VAT1L: variants seen among roughly 807,000 people sequenced by gnomAD.
VAT1L encodes the protein vesicle amine transport 1 like.
In VAT1L, 34 loss-of-function variants were observed where a neutral mutation model predicts 44.1. That is an observed-to-expected ratio of 0.77 (90% CI 0.59 to 1.03). The LOEUF (loss-of-function observed/expected upper bound fraction) is 1.03, where lower values mean the gene tolerates loss of function less well. Ranked by LOEUF, VAT1L falls within the 50% of genes least tolerant of loss-of-function variation. The probability of loss-of-function intolerance (pLI) is 0.00; values close to 1 mark genes in which losing one functional copy is unlikely to be tolerated. For missense variants in VAT1L, 615 were observed against 538.8 expected, an observed-to-expected ratio of 1.14 and a Z score of -1.40; for synonymous variants, 253 against 202.2, an observed-to-expected ratio of 1.25 and a Z score of -2.13.
intron 3 of VAT1L, among the ~76,000 whole-genome samples, chr16:77,827,664 G>A (rs904186464): frequency 1.3e-5 from 2 of 152,190 alleles, no homozygotes; most frequent in Middle Eastern, 3.2e-3. Context: ...CTAATAGTGA[G>A]TGAAAATAGG....
Position 77,972,258 on chromosome 16 carries a change from T to C in VAT1L, c.1161+325T>C, listed in dbSNP as rs74673254. Among the ~76,000 whole-genome samples the C allele has an allele frequency of 5.1e-3, 783 of 152,304 alleles. 9 individuals are homozygous for C. The highest frequency in any genetic ancestry group is 0.018 in the African/African-American group (741 of 41,570). On this transcript the variant is annotated intron_variant, in intron 8 of 8. Coordinates refer to ENST00000302536, the MANE Select transcript of VAT1L (RefSeq NM_020927.3). Reference sequence around the variant, plus strand: ...GAAAATTTCAATAATTTCACATTCATGTTCCTAACAGAATGATGCCAGCTG... The same window carrying C: ...GAAAATTTCAATAATTTCACATTCACGTTCCTAACAGAATGATGCCAGCTG...
intron 3 of VAT1L, among the ~76,000 whole-genome samples, chr16:77,844,365 A>G (rs1421626918): frequency 6.6e-6 from 1 of 152,114 alleles, no homozygotes; most frequent in Non-Finnish European, 1.5e-5. Flanking sequence ...ATACAGGAAG[A>G]TGGGCATAGG....
chr16:77,901,911 C>T (rs968085086), intron 7 of VAT1L, among the ~76,000 whole-genome samples: 1 of 152,196 alleles, frequency 6.6e-6, no homozygotes, highest in Non-Finnish European at 1.5e-5. Context: ...GGATAATTTT[C>T]ACCTCATTTA....
chr16:77,932,297 G>A (rs2142503404), intron 7 of VAT1L, among the ~76,000 whole-genome samples: 1 of 151,916 alleles, frequency 6.6e-6, no homozygotes, highest in Non-Finnish European at 1.5e-5. Flanking sequence ...AGTAGAGACG[G>A]GGTTTCACCG....
intron 5 of VAT1L, among the ~76,000 whole-genome samples, 185 bp downstream of exon 5, chr16:77,876,658 G>A (rs1289798069): frequency 6.6e-6 from 1 of 152,152 alleles, no homozygotes; most frequent in Non-Finnish European, 1.5e-5. Context: ...AATAACATGT[G>A]CCTACTGTCC....
At chr16:77,941,693 G>C (rs7195975) in intron 7 of VAT1L, among the ~76,000 whole-genome samples, 82,346 of 151,918 alleles carry the variant, frequency 0.54, 22,504 homozygotes, top group East Asian at 0.62. Context: ...TTAAGCTATT[G>C]TCCTGCCTCA....
At position 77,856,118 on chromosome 16, in the gene VAT1L, G is replaced by A. The variant is rs144899900; in HGVS notation, c.580-6630G>A. ...ATTCAAAGGATATAAGGAATAAACC[G>A]GGAGAAAAGACAGGAAAGAGGATTC... On this transcript the variant is annotated intron_variant, in intron 3 of 8. Coordinates refer to ENST00000302536, the MANE Select transcript of VAT1L (RefSeq NM_020927.3). 9.3e-4 allele frequency among the ~76,000 whole-genome samples: 142 copies of A among 152,256 alleles called. 2 individuals are homozygous for A. The East Asian group carries it at 0.024, about 25-fold the overall frequency.
At chr16:77,950,002 T>G (rs1162353939) in intron 7 of VAT1L, among the ~76,000 whole-genome samples, 4 of 152,236 alleles carry the variant, frequency 2.6e-5, no homozygotes, top group Non-Finnish European at 5.9e-5. Flanking sequence ...GCCATGGCTC[T>G]GTAGCCTCGT....
intron 3 of VAT1L, among the ~76,000 whole-genome samples, chr16:77,842,502 G>A (rs930845160): frequency 3.3e-5 from 5 of 152,180 alleles, no homozygotes; most frequent in African/African-American, 4.8e-5. Context: ...ATTCCTGTGC[G>A]GAGTGGGGGA....
Position 77,884,907 on chromosome 16 carries a change from G to GT in VAT1L, c.1077+108dup. On this transcript the variant is annotated intron_variant, in intron 7 of 8. Transcript: ENST00000302536. The surrounding 1 kb of genome is among the most constrained non-coding windows in gnomAD (Gnocchi z 4.5). ...ACTAAATGATTTTTTTCCCAGATGGGTTTGTTTTAAATGAGGGTCCTAAAA... is the reference window on the plus strand; with the variant it reads ...ACTAAATGATTTTTTTCCCAGATGGGTTTTGTTTTAAATGAGGGTCCTAAAA... The GT allele has an allele frequency of 7.8e-7, 1 of 1,283,162 alleles. No homozygotes were observed. Among genetic ancestry groups the GT allele is most frequent in the Non-Finnish European group, 1.0e-6 (1 of 968,206 alleles). 79.5% of individuals were successfully genotyped at this position (1,283,162 alleles called of 1,614,324 possible). A position where few individuals can be genotyped will look rare whatever the true frequency, so the allele number is the denominator to read the frequency against.
intron 7 of VAT1L, among the ~76,000 whole-genome samples, chr16:77,889,738 A>G (rs1253995270): frequency 6.6e-6 from 1 of 152,244 alleles, no homozygotes; most frequent in East Asian, 1.9e-4. Context: ...GTATGCAATA[A>G]CAGAGTATTA....
At chr16:77,966,007 G>A (rs1315344212) in intron 7 of VAT1L, among the ~76,000 whole-genome samples, 1 of 152,122 alleles carries the variant, frequency 6.6e-6, no homozygotes, top group Admixed American at 6.5e-5. Context: ...TACTCTCAGT[G>A]TAAAATACAC....
intron 4 of VAT1L, among the ~76,000 whole-genome samples, chr16:77,876,021 C>T (rs112526286): frequency 4.6e-5 from 7 of 152,292 alleles, no homozygotes; most frequent in African/African-American, 1.4e-4. Context: ...CACAAAGAAA[C>T]ATACTAGCTC....
chr16:77,797,513 T>TC, intron 1 of VAT1L, among the ~76,000 whole-genome samples: 1 of 152,166 alleles, frequency 6.6e-6, no homozygotes, highest in Non-Finnish European at 1.5e-5. Context: ...GCCCCCTGCA[T>TC]CCCCACCCAT....
chr16:77,866,916 G>T (rs2016980467), intron 4 of VAT1L, among the ~76,000 whole-genome samples: 1 of 152,186 alleles, frequency 6.6e-6, no homozygotes, highest in South Asian at 2.1e-4. Flanking sequence ...AAGATGGACA[G>T]CCCCTCAGGT....
chr16:77,907,015 G>C (rs1196883323), intron 7 of VAT1L, among the ~76,000 whole-genome samples: 1 of 152,000 alleles, frequency 6.6e-6, no homozygotes, highest in Non-Finnish European at 1.5e-5. Context: ...GCAGGAGGCA[G>C]CAGAGAAAAC....
chr16:77,919,874 G>C (rs900284522), intron 7 of VAT1L, among the ~76,000 whole-genome samples: 1 of 152,118 alleles, frequency 6.6e-6, no homozygotes, highest in East Asian at 1.9e-4. Context: ...GATCACTTGC[G>C]GTCAGGAGTT....
intron 1 of VAT1L, among the ~76,000 whole-genome samples, chr16:77,805,298 C>G (rs927448645): frequency 1.3e-5 from 2 of 152,104 alleles, no homozygotes; most frequent in Non-Finnish European, 2.9e-5. Context: ...CTTGAGATAA[C>G]AAAACTGGCA....
chr16:77,973,239 C>T (rs1361084169), intron 8 of VAT1L, among the ~76,000 whole-genome samples: 1 of 152,156 alleles, frequency 6.6e-6, no homozygotes, highest in Non-Finnish European at 1.5e-5. Context: ...TGATAAGTTC[C>T]CAGTTAGAAT....
Sources: gnomAD v4.1 joint callset for allele counts (sites outside exome capture counted in the v4.1 genomes callset) on GRCh38, gnomAD v4.1.1 for gene constraint, Gnocchi (gnomAD v3.1) non-coding constraint, MANE v1.5 for transcripts, NCBI Gene and HGNC (gene_info 2026-07-23, HGNC 2026-07-21) for gene names.